The following JARID2 variants were observed in gnomAD, a reference collection of about 807,000 sequenced individuals.
JARID2 encodes the protein protein Jumonji.
In JARID2, 21 loss-of-function variants were observed where a neutral mutation model predicts 125.6. The observed-to-expected ratio is 0.17, with a 90% confidence interval of 0.12 to 0.24. The LOEUF (loss-of-function observed/expected upper bound fraction) is 0.24, where lower values mean the gene tolerates loss of function less well. JARID2 is among the 10% of genes least tolerant of loss of function. The pLI is 1.00. For missense variants in JARID2, 1,303 were observed against 1,639.6 expected (o/e 0.79, Z 3.55); for synonymous variants, 736 against 661.6 (o/e 1.11, Z -1.73).
chr6:15,277,966 G>A (rs978394872), intron 1 of JARID2, among the ~76,000 whole-genome samples: 3 of 152,172 alleles, frequency 2.0e-5, no homozygotes, highest in Non-Finnish European at 2.9e-5. Flanking sequence ...GGTGAACTCT[G>A]GTTGGGCGCA....
At chr6:15,252,323 A>G (rs1554115230) in intron 1 of JARID2, among the ~76,000 whole-genome samples, 1 of 151,828 alleles carries the variant, frequency 6.6e-6, no homozygotes, top group Non-Finnish European at 1.5e-5. Flanking sequence ...TTTTTTAAAA[A>G]TTGTTTGTTA....
Position 15,481,753 on chromosome 6 carries a change from T to C in JARID2, c.671-5554T>C, listed in dbSNP as rs1769627834. On this transcript the variant is annotated intron_variant, in intron 5 of 17. Coordinates refer to ENST00000341776, the MANE Select transcript of JARID2 (RefSeq NM_004973.4). ...AAAAAGTGGGTTTGGTTGGAAACCT[T>C]CTCTTTGTTTGCAAATGAAAGTTAA... 2.0e-5 allele frequency among the ~76,000 whole-genome samples: 3 copies of C among 152,236 alleles called. No individual in the cohort carries two copies. The South Asian group carries it at 6.2e-4, about 32-fold the overall frequency.
chr6:15,453,467 G>A (rs1768010748), intron 4 of JARID2, among the ~76,000 whole-genome samples: 1 of 152,240 alleles, frequency 6.6e-6, no homozygotes, highest in African/African-American at 2.4e-5. Flanking sequence ...CCTCTGTGGG[G>A]ATACACAGTT....
intron 4 of JARID2, among the ~76,000 whole-genome samples, chr6:15,453,906 T>C (rs1768033489): frequency 6.6e-6 from 1 of 152,150 alleles, no homozygotes. Context: ...ATAAGTGCTG[T>C]TGAGGAGCCA....
chr6:15,341,419 A>T (rs1763067347), intron 1 of JARID2, among the ~76,000 whole-genome samples: 4 of 152,232 alleles, frequency 2.6e-5, no homozygotes, highest in Admixed American at 6.5e-5. Flanking sequence ...AACACACAGG[A>T]AAGTAGACAA....
At chr6:15,468,491 A>AG in intron 4 of JARID2, 51 bp from the exon 5 acceptor site, 1 of 1,515,204 alleles carries the variant, frequency 6.6e-7, no homozygotes, top group South Asian at 1.3e-5. Context: ...CCTTCTGGAA[A>AG]GGGTGAGGGT....
intron 6 of JARID2, 115 bp from the exon 7 acceptor site, chr6:15,496,017 T>A: frequency 1.2e-6 from 1 of 804,378 alleles, no homozygotes; most frequent in Non-Finnish European, 2.0e-6. Flanking sequence ...CACTACAGGC[T>A]GCTGGCTCTG....
intron 9 of JARID2, among the ~76,000 whole-genome samples, 154 bp downstream of exon 9, chr6:15,504,746 G>C (rs1770914034): frequency 6.6e-6 from 1 of 152,128 alleles, no homozygotes; most frequent in Admixed American, 6.5e-5. Context: ...GTGCACCAGG[G>C]CAGCCAAATG....
At chr6:15,320,944 A>C (rs936960528) in intron 1 of JARID2, among the ~76,000 whole-genome samples, 3 of 151,392 alleles carry the variant, frequency 2.0e-5, no homozygotes, top group Admixed American at 2.0e-4. Flanking sequence ...ATGCTGGTAC[A>C]TTTTCTCATC....
chr6:15,246,964 TTAA>T (rs1479770649), intron 1 of JARID2, among the ~76,000 whole-genome samples: 4 of 152,236 alleles, frequency 2.6e-5, no homozygotes, highest in African/African-American at 4.8e-5. Context: ...GTTATTATTA[TTAA>T]TGTTATTTGG....
intron 3 of JARID2, among the ~76,000 whole-genome samples, chr6:15,434,656 T>G (rs1455765274): frequency 1.3e-5 from 2 of 152,228 alleles, no homozygotes; most frequent in East Asian, 3.8e-4. Flanking sequence ...AATGTTATTG[T>G]GTATTCTCCA....
chr6:15,278,861 G>T (rs1237601470), intron 1 of JARID2, among the ~76,000 whole-genome samples: 1 of 152,178 alleles, frequency 6.6e-6, no homozygotes, highest in African/African-American at 2.4e-5. Flanking sequence ...TTGAGGTCAG[G>T]CGTTCGAGAT....
rs770005964 is a variant in JARID2 at position 15,507,125 on chromosome 6, G to C, written c.2542-11G>C. 6.4e-7 allele frequency: 1 copy of C among 1,573,418 alleles called. No homozygotes were observed. The highest frequency in any genetic ancestry group is 1.3e-5 in the African/African-American group (1 of 74,216). ...TAGGGGTGCTGACCAGCCCTTTCCTGTTCCCTGCAGCAAGAGTACTGGAGG... is the reference window on the plus strand; with the variant it reads ...TAGGGGTGCTGACCAGCCCTTTCCTCTTCCCTGCAGCAAGAGTACTGGAGG... On this transcript the variant is annotated splice_polypyrimidine_tract_variant and intron_variant, in intron 9 of 17. Transcript: ENST00000341776.
At chr6:15,367,611 C>T (rs891966714) in intron 1 of JARID2, among the ~76,000 whole-genome samples, 1 of 152,146 alleles carries the variant, frequency 6.6e-6, no homozygotes, top group Admixed American at 6.6e-5. Flanking sequence ...CTACCAATGC[C>T]ACATTTGCGT....
intron 1 of JARID2, among the ~76,000 whole-genome samples, chr6:15,297,199 G>A (rs1188241900): frequency 6.6e-6 from 1 of 152,146 alleles, no homozygotes; most frequent in African/African-American, 2.4e-5. Context: ...TGCCCAGGCT[G>A]GAGTGCAGTG....
At chr6:15,512,170 A>G in intron 13 of JARID2, 38 bp from the exon 14 acceptor site, 1 of 1,587,390 alleles carries the variant, frequency 6.3e-7, no homozygotes. Context: ...GTCCCTGCGC[A>G]CAGGGAGGGG....
In JARID2 at chr6:15,497,106, G is replaced by A. The variant is rs979337725; in HGVS notation, c.1881G>A (p.Arg627=). The A allele has an allele frequency of 2.5e-6, 4 of 1,573,662 alleles. No individual in the cohort carries two copies. The highest frequency in any genetic ancestry group is 2.6e-6 in the Non-Finnish European group (3 of 1,159,974). Residue 627 remains arginine, a synonymous_variant, in exon 7 of 18, where the codon CGG becomes CGA. Coordinates refer to ENST00000341776, the MANE Select transcript of JARID2 (RefSeq NM_004973.4). ...LGRRWGPNVQ[R]LACIKKHLKS... ...GGCGCTGGGGCCCCAACGTGCAGCG[G>A]CTGGCCTGCATCAAGAAGCACCTCA...
intron 1 of JARID2, among the ~76,000 whole-genome samples, chr6:15,275,879 T>A (rs1323407254): frequency 6.6e-6 from 1 of 152,116 alleles, no homozygotes; most frequent in Non-Finnish European, 1.5e-5. Context: ...ACTTTTTGTC[T>A]AATGGGGTTT....
At chr6:15,465,667 C>A (rs1320853134) in intron 4 of JARID2, among the ~76,000 whole-genome samples, 2 of 152,178 alleles carry the variant, frequency 1.3e-5, no homozygotes, top group African/African-American at 4.8e-5. Flanking sequence ...AAATCCTCAA[C>A]AGATCCTGTT....
Sources: gnomAD v4.1 joint callset for allele counts (sites outside exome capture counted in the v4.1 genomes callset) on GRCh38, gnomAD v4.1.1 for gene constraint, MANE v1.5 for transcripts, NCBI Gene and HGNC (gene_info 2026-07-23, HGNC 2026-07-21) for gene names.